The following KATNAL1 variants were observed in gnomAD, a reference collection of about 807,000 sequenced individuals.
KATNAL1 encodes katanin p60 ATPase-containing subunit A-like 1.
A neutral mutation model predicts 55.2 loss-of-function variants in KATNAL1; 32 were observed. That is an observed-to-expected ratio of 0.58 (90% confidence interval 0.44 to 0.78). The LOEUF (loss-of-function observed/expected upper bound fraction) is 0.78. Ranked by LOEUF, KATNAL1 falls within the 30% of genes least tolerant of loss-of-function variation. The probability of loss-of-function intolerance (pLI) is 0.00; values close to 1 mark genes in which losing one functional copy is unlikely to be tolerated. For missense variants in KATNAL1, 466 were observed against 600.9 expected, an observed-to-expected ratio of 0.78 and a Z score of 2.35; for synonymous variants, 193 against 193.6, an observed-to-expected ratio of 1.00 and a Z score of 0.02.
Position 30,257,535 on chromosome 13 carries a change from C to T in KATNAL1, c.324-1920G>A, listed in dbSNP as rs73163477. 2.8e-3 allele frequency among the ~76,000 whole-genome samples: 429 copies of T among 152,022 alleles called. 1 individual carries two copies. Among genetic ancestry groups the T allele is most frequent in the Non-Finnish European group, 4.2e-3 (286 of 67,972 alleles). On this transcript the variant is annotated intron_variant, in intron 3 of 10. Coordinates refer to ENST00000380615, the MANE Select transcript of KATNAL1 (RefSeq NM_032116.5). ...CCTCACTGCTCAGGGTGCACTGCAG[C>T]AGGTCTCAGACAACATTCCTTCTGC...
At chr13:30,270,073 G>GA (rs1880167737) in intron 3 of KATNAL1, among the ~76,000 whole-genome samples, 1 of 99,954 alleles carries the variant, frequency 1.0e-5, no homozygotes, top group African/African-American at 3.7e-5. Flanking sequence ...GGAGGGAGGT[G>GA]GGGGGGGTCA....
At position 30,280,216 on chromosome 13, in the gene KATNAL1, T is replaced by C; in HGVS notation, c.170A>G (p.Gln57Arg). 1 of 1,572,696 alleles carries C rather than the reference T, an allele frequency of 6.4e-7. No homozygotes were observed. The highest frequency in any genetic ancestry group is 8.6e-7 in the Non-Finnish European group (1 of 1,166,706). The part of the protein sequence containing the change: ...AIKGKWQQVR[Q>R]ELLEEYEQVK... ...TTGTTCATATTCCTCCAATAATTCC[T>C]GCCGAACCTTAAAAAAAAAAAATAG... Residue 57 changes from glutamine to arginine, a missense_variant, in exon 3 of 11, where the codon CAG (glutamine) becomes CGG (arginine). This residue lies in a region of KATNAL1 where 248 missense variants were observed against 275.5 expected (regional missense o/e 0.90). Transcript: ENST00000380615.
intron 3 of KATNAL1, among the ~76,000 whole-genome samples, chr13:30,275,332 A>C (rs767690984): frequency 1.3e-5 from 2 of 152,186 alleles, no homozygotes; most frequent in Non-Finnish European, 2.9e-5. Flanking sequence ...TCTCATGTGA[A>C]CTGAGCAAGA....
intron 2 of KATNAL1, among the ~76,000 whole-genome samples, chr13:30,281,008 C>T (rs1030672098): frequency 6.6e-6 from 1 of 151,102 alleles, no homozygotes; most frequent in Admixed American, 6.6e-5. Context: ...TAGTGCGAGT[C>T]TATAGTCCTA....
At chr13:30,242,656 G>A (rs951050254) in intron 4 of KATNAL1, among the ~76,000 whole-genome samples, 4 of 152,090 alleles carry the variant, frequency 2.6e-5, no homozygotes, top group African/African-American at 9.7e-5. Context: ...CTCCTATAGA[G>A]GACGGGGTAG....
intron 8 of KATNAL1, among the ~76,000 whole-genome samples, chr13:30,229,647 G>A (rs1226875313): frequency 6.6e-6 from 1 of 152,104 alleles, no homozygotes; most frequent in African/African-American, 2.4e-5. Flanking sequence ...GAGCCCAGGA[G>A]GTCAAGGCTG....
At chr13:30,271,322 A>T (rs775451829) in intron 3 of KATNAL1, among the ~76,000 whole-genome samples, 1 of 152,232 alleles carries the variant, frequency 6.6e-6, no homozygotes, top group Non-Finnish European at 1.5e-5. Context: ...TTGCACTGCT[A>T]TAAAGAAATA....
At chr13:30,300,240 C>T (rs971560733) in intron 1 of KATNAL1, among the ~76,000 whole-genome samples, 5 of 152,170 alleles carry the variant, frequency 3.3e-5, no homozygotes, top group African/African-American at 7.2e-5. Flanking sequence ...TTCAGTTATA[C>T]TTACAATACA....
intron 4 of KATNAL1, among the ~76,000 whole-genome samples, chr13:30,254,924 C>T (rs549640762): frequency 6.6e-6 from 1 of 152,198 alleles, no homozygotes; most frequent in Non-Finnish European, 1.5e-5. Flanking sequence ...TGTTTATTCA[C>T]CAATCAATTT....
rs777373733 is a variant in KATNAL1, at chr13:30,231,305, G to A, written c.885+9C>T. ...CACTACTTTGAAATCTGAATATATC[G>A]TCACTCACCATCTCAAACAACAGAC... is the stretch of plus-strand genomic sequence containing the variant. On this transcript the variant is annotated intron_variant, in intron 7 of 10. Transcript: ENST00000380615. 1.1e-5 allele frequency: 17 copies of A among 1,599,578 alleles called. No homozygotes were observed. The highest frequency in any genetic ancestry group is 1.4e-5 in the Non-Finnish European group (17 of 1,172,708).
rs1201525314 is a variant in KATNAL1, at chr13:30,203,549, ATT to A, written c.*4989_*4990del. Reference sequence around the variant, plus strand: ...GGAAACTTCTCTATACAAATTCCCTATTTTTTTGTGTCAAATTTCCATATGTA... The same window carrying A: ...GGAAACTTCTCTATACAAATTCCCTATTTTTGTGTCAAATTTCCATATGTA... On this transcript the variant is annotated 3_prime_UTR_variant, in exon 11 of 11. Transcript: ENST00000380615. 6.6e-6 allele frequency: 1 copy of A among 152,184 alleles called. No homozygotes were observed. The highest frequency in any genetic ancestry group is 6.5e-5 in the Admixed American group (1 of 15,288). The allele number at this position is 152,184 out of a possible 1,614,324, so 9.4% of individuals were successfully genotyped here. A position where few individuals can be genotyped will look rare whatever the true frequency, so the allele number is the denominator to read the frequency against.
In KATNAL1 at chr13:30,259,591, T is replaced by G. The variant is rs183481476; in HGVS notation, c.324-3976A>C. 6.2e-3 allele frequency among the ~76,000 whole-genome samples: 945 copies of G among 152,220 alleles called. 8 individuals are homozygous for G. Among genetic ancestry groups the G allele is most frequent in the African/African-American group, 0.022 (910 of 41,538 alleles). On this transcript the variant is annotated intron_variant, in intron 3 of 10. Coordinates refer to ENST00000380615, the MANE Select transcript of KATNAL1 (RefSeq NM_032116.5). Reference sequence around the variant, plus strand: ...CGAGGGGTCAGGGAGTTCCCTTTCCTAGTCAAAGAAAGGGGTGACAGACGG... The same window carrying G: ...CGAGGGGTCAGGGAGTTCCCTTTCCGAGTCAAAGAAAGGGGTGACAGACGG...
At chr13:30,236,617 C>T (rs982351096) in intron 6 of KATNAL1, among the ~76,000 whole-genome samples, 1 of 152,188 alleles carries the variant, frequency 6.6e-6, no homozygotes, top group African/African-American at 2.4e-5. Context: ...TGTCCATCCC[C>T]AACCTGTCCT....
At chr13:30,248,680 T>A (rs6490448) in intron 4 of KATNAL1, among the ~76,000 whole-genome samples, 2 of 152,216 alleles carry the variant, frequency 1.3e-5, no homozygotes, top group African/African-American at 4.8e-5. Context: ...TTCCCAGCAC[T>A]TTGGGAGGCC....
chr13:30,216,080 T>C (rs1291137439), intron 9 of KATNAL1, among the ~76,000 whole-genome samples: 1 of 152,184 alleles, frequency 6.6e-6, no homozygotes, highest in African/African-American at 2.4e-5. Context: ...GTGGTATATA[T>C]ATGTGGTAAC....
chr13:30,264,911 G>C (rs1228962028), intron 3 of KATNAL1, among the ~76,000 whole-genome samples: 1 of 143,568 alleles, frequency 7.0e-6, no homozygotes, highest in Non-Finnish European at 1.5e-5. Context: ...CTGCTATAAA[G>C]ACACATGCAC....
At position 30,283,805 on chromosome 13, in the gene KATNAL1, A is replaced by G. The variant is rs1881586422; in HGVS notation, c.-14-14T>C. On this transcript the variant is annotated splice_polypyrimidine_tract_variant and intron_variant, in intron 1 of 10. Coordinates refer to ENST00000380615, the MANE Select transcript of KATNAL1 (RefSeq NM_032116.5). ...TCTTTCAGAGACCTAAACATAAAATATAATGACTTTTTAAAAATTTTCAGC... is the reference window on the plus strand; with the variant it reads ...TCTTTCAGAGACCTAAACATAAAATGTAATGACTTTTTAAAAATTTTCAGC... 2 of 1,556,526 alleles carry G rather than the reference A, an allele frequency of 1.3e-6. No individual in the cohort carries two copies. Among genetic ancestry groups the G allele is most frequent in the Admixed American group, 1.9e-5 (1 of 52,064 alleles).
intron 3 of KATNAL1, among the ~76,000 whole-genome samples, chr13:30,271,575 A>G (rs1292355876): frequency 6.6e-6 from 1 of 152,176 alleles, no homozygotes; most frequent in African/African-American, 2.4e-5. Context: ...GAACCCTATC[A>G]TGAGAACAGC....
chr13:30,258,173 T>C (rs1160127266), intron 3 of KATNAL1, among the ~76,000 whole-genome samples: 1 of 152,264 alleles, frequency 6.6e-6, no homozygotes, highest in Non-Finnish European at 1.5e-5. Flanking sequence ...TGGTTAGATC[T>C]GCAGGTGAAA....
Sources: gnomAD v4.1 joint callset for allele counts (sites outside exome capture counted in the v4.1 genomes callset) on GRCh38, gnomAD v4.1.1 for gene constraint, gnomAD v4.1.1 regional missense constraint, MANE v1.5 for transcripts, NCBI Gene and HGNC (gene_info 2026-07-23, HGNC 2026-07-21) for gene names.